CDPF1: variants seen among roughly 807,000 people sequenced by gnomAD.
The protein encoded by CDPF1 is cysteine-rich DPF motif domain-containing protein 1.
A neutral mutation model predicts 8.3 loss-of-function variants in CDPF1; 8 were observed. The observed-to-expected ratio is 0.96, with a 90% CI of 0.57 to 1.74. The LOEUF (loss-of-function observed/expected upper bound fraction) is 1.74, where lower values mean the gene tolerates loss of function less well. Among genes scored for constraint, CDPF1 ranks in the 40% most tolerant of loss-of-function variants. The pLI is 0.00. For synonymous variants in CDPF1, 62 were observed against 62.9 expected (o/e 0.99, Z 0.07); for missense variants, 151 against 155.3 (o/e 0.97, Z 0.15).
chr22:46,245,274 C>T lies in CDPF1; in HGVS notation c.226-36G>A, dbSNP rs774846360. 39 of 1,608,852 alleles carry T rather than the reference C, an allele frequency of 2.4e-5. No homozygotes were observed. The highest frequency in any genetic ancestry group is 3.1e-5 in the Non-Finnish European group (37 of 1,176,506). On this transcript the variant is annotated intron_variant, in intron 3 of 3. Transcript: ENST00000314567. This position sits in a 1 kb window ranked among gnomAD's most constrained non-coding sequence, Gnocchi z 6.9. Reference sequence around the variant, plus strand: ...TGGACAAGGATGGAGGCTTGAGTATCCTGGGAACATGGTGCAGCTCCTCCC... The same window carrying T: ...TGGACAAGGATGGAGGCTTGAGTATTCTGGGAACATGGTGCAGCTCCTCCC...
Position 46,246,733 on chromosome 22 carries a change from C to G in CDPF1, c.225+377G>C, listed in dbSNP as rs773604312. 14 of 1,602,540 alleles carry G rather than the reference C, an allele frequency of 8.7e-6. No homozygotes were observed. In the South Asian group the frequency reaches 1.1e-4, roughly 13 times the overall value. On this transcript the variant is annotated intron_variant, in intron 3 of 3. Coordinates refer to ENST00000314567, the MANE Select transcript of CDPF1 (RefSeq NM_207327.5). The surrounding 1 kb of genome is among the most constrained non-coding windows in gnomAD (Gnocchi z 7.1). ...GTAAAACAGGTCCCAAGCACAGGAC[C>G]TGGCACACAACAAGTGCTCATGAAA...
In CDPF1 at chr22:46,247,710, A is replaced by G. The variant is rs1276938970; in HGVS notation, c.113+462T>C. Among the ~76,000 whole-genome samples the G allele has an allele frequency of 6.6e-6, 1 of 152,226 alleles. No homozygotes were observed. The highest frequency in any genetic ancestry group is 6.5e-5 in the Admixed American group (1 of 15,284). ...AGAGGGACGACAGCCAGAAGGAAAA[A>G]GCCATGCCCCTGCCACTGCATCCCA... is the stretch of plus-strand genomic sequence containing the variant. On this transcript the variant is annotated intron_variant, in intron 2 of 3. Coordinates refer to ENST00000314567, the MANE Select transcript of CDPF1 (RefSeq NM_207327.5). This position sits in a 1 kb window ranked among gnomAD's most constrained non-coding sequence, Gnocchi z 4.3.
chr22:46,248,267 C>A lies in CDPF1; in HGVS notation c.18G>T (p.Glu6Asp), dbSNP rs1936523176. Residue 6 changes from glutamate (E) to aspartate (D), a missense_variant, in exon 2 of 4, where the codon GAG becomes GAT. By Grantham distance (45) the Glu-to-Asp change is conservative. Coordinates refer to ENST00000314567, the MANE Select transcript of CDPF1 (RefSeq NM_207327.5). The surrounding 1 kb of genome is among the most constrained non-coding windows in gnomAD (Gnocchi z 4.1). ...ACTCAAACACTCCCAGAGGACGGCA[C>A]TCTACATGGGACGCCATCTGCAAGA... MASHV[E>D]CRPLGVFECE... is the part of the protein sequence containing the mutation. 3.7e-6 allele frequency: 6 copies of A among 1,612,676 alleles called. No homozygotes were observed. In the South Asian group the frequency reaches 6.6e-5, roughly 18 times the overall value.
At position 46,248,148 on chromosome 22, in the gene CDPF1, C is replaced by T. The variant is rs562599001; in HGVS notation, c.113+24G>A. On this transcript the variant is annotated intron_variant, in intron 2 of 3. Transcript: ENST00000314567. The surrounding 1 kb of genome is among the most constrained non-coding windows in gnomAD (Gnocchi z 4.1). Reference sequence around the variant, plus strand: ...GCACTGGGCACAGGCCTCCCCGGCACTGGCCCAAAAGGCATGCACTCACAC... The same window carrying T: ...GCACTGGGCACAGGCCTCCCCGGCATTGGCCCAAAAGGCATGCACTCACAC... 2.6e-6 allele frequency: 4 copies of T among 1,558,698 alleles called. No individual in the cohort carries two copies. The East Asian group carries it at 9.0e-5, about 35-fold the overall frequency.
chr22:46,246,688 G>A lies in CDPF1; in HGVS notation c.225+422C>T, dbSNP rs1453157106. The stretch of plus-strand genomic sequence containing the variant: ...ACTGCTTTACCTGACTAAGGGGCAG[G>A]ACTGAATGAAGCCTCAGCAGTAAAA... On this transcript the variant is annotated intron_variant, in intron 3 of 3. Transcript: ENST00000314567. The surrounding 1 kb of genome is among the most constrained non-coding windows in gnomAD (Gnocchi z 7.1). 1 of 1,585,610 alleles carries A rather than the reference G, an allele frequency of 6.3e-7. No individual in the cohort carries two copies. Among genetic ancestry groups the A allele is most frequent in the East Asian group, 2.3e-5 (1 of 43,570 alleles).
rs112194715 is a variant in CDPF1 at position 46,247,675 on chromosome 22, C to G, written c.114-454G>C. On this transcript the variant is annotated intron_variant, in intron 2 of 3. Coordinates refer to ENST00000314567, the MANE Select transcript of CDPF1 (RefSeq NM_207327.5). The surrounding 1 kb of genome is among the most constrained non-coding windows in gnomAD (Gnocchi z 4.3). The stretch of plus-strand genomic sequence containing the variant: ...AGGGTGACATGATGACACTCAGGCT[C>G]CTGGTCAGCAGAGGGACGACAGCCA... 7.5e-3 allele frequency among the ~76,000 whole-genome samples: 1,146 copies of G among 152,278 alleles called. 15 individuals are homozygous for G. The highest frequency in any genetic ancestry group is 0.026 in the African/African-American group (1,082 of 41,562).
At position 46,245,932 on chromosome 22, in the gene CDPF1, A is replaced by T. The variant is rs566690339; in HGVS notation, c.226-694T>A. Reference sequence around the variant, plus strand: ...CCTTCCCGCTGCCTGGGATGCAAATATGATGGTGGGAGCTCCACAGCCACA... The same window carrying T: ...CCTTCCCGCTGCCTGGGATGCAAATTTGATGGTGGGAGCTCCACAGCCACA... On this transcript the variant is annotated intron_variant, in intron 3 of 3. Transcript: ENST00000314567. The surrounding 1 kb of genome is among the most constrained non-coding windows in gnomAD (Gnocchi z 6.9). 8.3e-4 allele frequency among the ~76,000 whole-genome samples: 127 copies of T among 152,296 alleles called. 1 individual carries two copies. Among genetic ancestry groups the T allele is most frequent in the African/African-American group, 3.0e-3 (124 of 41,562 alleles).
At position 46,246,872 on chromosome 22, in the gene CDPF1, T is replaced by C; in HGVS notation, c.225+238A>G. 1 of 1,528,564 alleles carries C rather than the reference T, an allele frequency of 6.5e-7. No individual in the cohort carries two copies. 94.7% of individuals were successfully genotyped at this position (1,528,564 alleles called of 1,614,324 possible). On this transcript the variant is annotated intron_variant, in intron 3 of 3. Transcript: ENST00000314567. The surrounding 1 kb of genome is among the most constrained non-coding windows in gnomAD (Gnocchi z 7.1). ...CTGTTGGTGGGAAGGGGAGGAACCC[T>C]GAGGGGCCACTGGGGTGGGTGCAGA...
Position 46,244,130 on chromosome 22 carries a change from CAG to C in CDPF1, c.*960_*961del, listed in dbSNP as rs1936447473. 6.6e-6 allele frequency: 1 copy of C among 152,206 alleles called. No homozygotes were observed. Among genetic ancestry groups the C allele is most frequent in the Non-Finnish European group, 1.5e-5 (1 of 68,058 alleles). 9.4% of individuals were successfully genotyped at this position (152,206 alleles called of 1,614,324 possible). A position where few individuals can be genotyped will look rare whatever the true frequency, so the allele number is the denominator to read the frequency against. ...TTCTAAGCAGACATTCCAGAGCTCA[CAG>C]ATCAGTGTCCCACCAGCTGCTACCC... On this transcript the variant is annotated 3_prime_UTR_variant, in exon 4 of 4. Coordinates refer to ENST00000314567, the MANE Select transcript of CDPF1 (RefSeq NM_207327.5). This position sits in a 1 kb window ranked among gnomAD's most constrained non-coding sequence, Gnocchi z 6.7.
In CDPF1 at chr22:46,247,247, G is replaced by C. The variant is rs756745050; in HGVS notation, c.114-26C>G. 6.0e-6 allele frequency: 9 copies of C among 1,503,328 alleles called. No homozygotes were observed. The highest frequency in any genetic ancestry group is 6.5e-6 in the Non-Finnish European group (7 of 1,083,222). 93.1% of individuals were successfully genotyped at this position (1,503,328 alleles called of 1,614,324 possible). On this transcript the variant is annotated intron_variant, in intron 2 of 3. Transcript: ENST00000314567. The surrounding 1 kb of genome is among the most constrained non-coding windows in gnomAD (Gnocchi z 4.3). ...CTGCAGGAGAGTGAATGCAGCGTCA[G>C]AACAGCCCAAATCTCTGCCGTCGGA...
chr22:46,246,773 C>T lies in CDPF1; in HGVS notation c.225+337G>A, dbSNP rs1317421705. The T allele has an allele frequency of 1.3e-6, 2 of 1,598,864 alleles. No individual in the cohort carries two copies. Among genetic ancestry groups the T allele is most frequent in the Middle Eastern group, 1.7e-4 (1 of 5,716 alleles). On this transcript the variant is annotated intron_variant, in intron 3 of 3. Transcript: ENST00000314567. This position sits in a 1 kb window ranked among gnomAD's most constrained non-coding sequence, Gnocchi z 7.1. ...TGCTCATGAAAGGACAGTCCCTTCT[C>T]CTGGAGATCCCTCCAAGAACATCTA...
In CDPF1 at chr22:46,249,799, G is replaced by A. The variant is rs1448881294; in HGVS notation, c.-1+457C>T. 6.6e-6 allele frequency among the ~76,000 whole-genome samples: 1 copy of A among 152,154 alleles called. No homozygotes were observed. The highest frequency in any genetic ancestry group is 1.5e-5 in the Non-Finnish European group (1 of 68,014). On this transcript the variant is annotated intron_variant, in intron 1 of 3. Coordinates refer to ENST00000314567, the MANE Select transcript of CDPF1 (RefSeq NM_207327.5). The surrounding 1 kb of genome is among the most constrained non-coding windows in gnomAD (Gnocchi z 4.6). ...GGGCTGGGGGGGCGGAGGTTGCGGT[G>A]AGCCGAGATCGCGCCACTGCATTCC...
In CDPF1 at chr22:46,247,877, G is replaced by T. The variant is rs16995069; in HGVS notation, c.113+295C>A. 0.12 allele frequency among the ~76,000 whole-genome samples: 18,214 copies of T among 152,248 alleles called. 1,808 individuals are homozygous for T. Among genetic ancestry groups the T allele is most frequent in the African/African-American group, 0.27 (11,244 of 41,518 alleles). On this transcript the variant is annotated intron_variant, in intron 2 of 3. Transcript: ENST00000314567. The surrounding 1 kb of genome is among the most constrained non-coding windows in gnomAD (Gnocchi z 4.3). ...AGGCCTCCCATTAAGAAAGTGTCAT[G>T]GCAAGGGTGCAGCCCCAAAGGGGGA...
Position 46,246,760 on chromosome 22 carries a change from G to A in CDPF1, c.225+350C>T. On this transcript the variant is annotated intron_variant, in intron 3 of 3. Transcript: ENST00000314567. The surrounding 1 kb of genome is among the most constrained non-coding windows in gnomAD (Gnocchi z 7.1). ...GGCACACAACAAGTGCTCATGAAAG[G>A]ACAGTCCCTTCTCCTGGAGATCCCT... 1 of 1,602,062 alleles carries A rather than the reference G, an allele frequency of 6.2e-7. No individual in the cohort carries two copies. The highest frequency in any genetic ancestry group is 1.7e-4 in the Middle Eastern group (1 of 5,846).
Position 46,244,077 on chromosome 22 carries a change from AAGACAGAG to A in CDPF1, c.*1007_*1014del, listed in dbSNP as rs1347779629. Reference sequence around the variant, plus strand: ...TGACAGTTGGCCTTGAGTAGTTACAAAGACAGAGCAGTTCCTGCCTCTCAGAATTCTAA... The same window carrying A: ...TGACAGTTGGCCTTGAGTAGTTACAACAGTTCCTGCCTCTCAGAATTCTAA... On this transcript the variant is annotated 3_prime_UTR_variant, in exon 4 of 4. Coordinates refer to ENST00000314567, the MANE Select transcript of CDPF1 (RefSeq NM_207327.5). This position sits in a 1 kb window ranked among gnomAD's most constrained non-coding sequence, Gnocchi z 6.7. The A allele has an allele frequency of 2.0e-5, 3 of 152,232 alleles. No homozygotes were observed. The East Asian group carries it at 5.8e-4, about 29-fold the overall frequency. 9.4% of individuals were successfully genotyped at this position (152,232 alleles called of 1,614,324 possible). A position where few individuals can be genotyped will look rare whatever the true frequency, so the allele number is the denominator to read the frequency against.
In CDPF1 at chr22:46,248,004, T is replaced by G. The variant is rs1400489324; in HGVS notation, c.113+168A>C. On this transcript the variant is annotated intron_variant, in intron 2 of 3. Coordinates refer to ENST00000314567, the MANE Select transcript of CDPF1 (RefSeq NM_207327.5). This position sits in a 1 kb window ranked among gnomAD's most constrained non-coding sequence, Gnocchi z 4.1. ...AGGAAGGTTCTGGAAGAGTCAGACC[T>G]CAAGCCTTGCCCAGGCCTCCAGAGA... Among the ~76,000 whole-genome samples, 1 of 151,960 alleles carries G rather than the reference T, an allele frequency of 6.6e-6. No homozygotes were observed. Among genetic ancestry groups the G allele is most frequent in the Non-Finnish European group, 1.5e-5 (1 of 67,958 alleles).
Position 46,247,364 on chromosome 22 carries a change from C to T in CDPF1, c.114-143G>A, listed in dbSNP as rs1936507598. 2 of 632,502 alleles carry T rather than the reference C, an allele frequency of 3.2e-6. No homozygotes were observed. The highest frequency in any genetic ancestry group is 5.8e-6 in the Non-Finnish European group (2 of 344,060). The allele number at this position is 632,502 out of a possible 1,614,324, so 39.2% of individuals were successfully genotyped here. On this transcript the variant is annotated intron_variant, in intron 2 of 3. Coordinates refer to ENST00000314567, the MANE Select transcript of CDPF1 (RefSeq NM_207327.5). The surrounding 1 kb of genome is among the most constrained non-coding windows in gnomAD (Gnocchi z 4.3). ...GGGCTCATCAGGGCAGGGGACTAGG[C>T]CACCCGTGCTGCAGGGCAGTGACAG...
chr22:46,245,829 G>T lies in CDPF1; in HGVS notation c.226-591C>A, dbSNP rs1055154414. On this transcript the variant is annotated intron_variant, in intron 3 of 3. Coordinates refer to ENST00000314567, the MANE Select transcript of CDPF1 (RefSeq NM_207327.5). This position sits in a 1 kb window ranked among gnomAD's most constrained non-coding sequence, Gnocchi z 6.9. ...AACTGGGCATCGCCATGTGACTCAGGCTGGTTAGGGGCGTCAGCAACTGTG... is the reference window on the plus strand; with the variant it reads ...AACTGGGCATCGCCATGTGACTCAGTCTGGTTAGGGGCGTCAGCAACTGTG... Among the ~76,000 whole-genome samples, 6 of 152,240 alleles carry T rather than the reference G, an allele frequency of 3.9e-5. No homozygotes were observed. Among genetic ancestry groups the T allele is most frequent in the Non-Finnish European group, 5.9e-5 (4 of 68,022 alleles).
In CDPF1 at chr22:46,248,710, C is replaced by T. The variant is rs12167657; in HGVS notation, c.1-426G>A. 0.054 allele frequency among the ~76,000 whole-genome samples: 8,228 copies of T among 152,278 alleles called. 745 individuals are homozygous for T. Among genetic ancestry groups the T allele is most frequent in the African/African-American group, 0.19 (7,802 of 41,542 alleles). ...CTCTATGCCCTCACATTAGTCCACACGTGGTGTGGACATTAGAACTGTTTT... is the reference window on the plus strand; with the variant it reads ...CTCTATGCCCTCACATTAGTCCACATGTGGTGTGGACATTAGAACTGTTTT... On this transcript the variant is annotated intron_variant, in intron 1 of 3. Transcript: ENST00000314567. The surrounding 1 kb of genome is among the most constrained non-coding windows in gnomAD (Gnocchi z 4.1).
Sources: allele counts gnomAD v4.1 joint callset (sites outside exome capture counted in the v4.1 genomes callset), GRCh38; gene constraint gnomAD v4.1.1; non-coding constraint Gnocchi (gnomAD v3.1); transcripts MANE v1.5; gene names NCBI Gene and HGNC (gene_info 2026-07-23, HGNC 2026-07-21).